Variants in PARD3 observed in about 807,000 individuals in gnomAD.
The protein encoded by PARD3 is partitioning defective 3 homolog.
Under a neutral mutation model 155.4 loss-of-function variants are expected in PARD3, and 75 were observed. The observed-to-expected ratio is 0.48, with a 90% confidence interval of 0.40 to 0.58. The LOEUF (loss-of-function observed/expected upper bound fraction) is 0.58. Ranked by LOEUF, PARD3 falls within the 20% of genes least tolerant of loss-of-function variation. The pLI is 0.00. For synonymous variants in PARD3, 576 were observed against 610.5 expected (o/e 0.94, Z 0.83); for missense variants, 1,642 against 1,721.7 (o/e 0.95, Z 0.82).
chr10:34,639,492 G>A (rs560529856), intron 2 of PARD3, among the ~76,000 whole-genome samples: 1 of 152,342 alleles, frequency 6.6e-6, no homozygotes, highest in South Asian at 2.1e-4. Flanking sequence ...TAGTGTGGTG[G>A]AGGATGAGAA....
intron 22 of PARD3, among the ~76,000 whole-genome samples, chr10:34,154,868 ATTT>A (rs927700958): frequency 2.0e-4 from 31 of 152,292 alleles, no homozygotes; most frequent in African/African-American, 7.2e-4. Context: ...CTATAAACAT[ATTT>A]TTGTAATTTG....
chr10:34,435,113 A>G (rs1261113408), intron 5 of PARD3, among the ~76,000 whole-genome samples: 1 of 152,194 alleles, frequency 6.6e-6, no homozygotes, highest in African/African-American at 2.4e-5. Flanking sequence ...TTGATATCTA[A>G]TATTAATTTA....
At chr10:34,596,477 T>C (rs1180974313) in intron 2 of PARD3, among the ~76,000 whole-genome samples, 3 of 152,140 alleles carry the variant, frequency 2.0e-5, no homozygotes, top group South Asian at 2.1e-4. Flanking sequence ...CTTCACAAGA[T>C]AGCACCAGAG....
At chr10:34,680,848 G>T (rs371402168) in intron 2 of PARD3, among the ~76,000 whole-genome samples, 1 of 114,446 alleles carries the variant, frequency 8.7e-6, no homozygotes, top group Admixed American at 1.0e-4. Context: ...GTGGGGGGAG[G>T]GGGGAGGGAT....
intron 2 of PARD3, among the ~76,000 whole-genome samples, chr10:34,532,261 C>T (rs2082911982): frequency 6.6e-6 from 1 of 151,950 alleles, no homozygotes; most frequent in Non-Finnish European, 1.5e-5. Flanking sequence ...TTCCTTATCT[C>T]GCTACATAGT....
chr10:34,426,188 A>G (rs990767578), intron 5 of PARD3, among the ~76,000 whole-genome samples: 6 of 152,212 alleles, frequency 3.9e-5, no homozygotes, highest in African/African-American at 1.2e-4. Flanking sequence ...GGTAACATGC[A>G]AACAGTTTAG....
At chr10:34,449,904 A>G (rs2076967695) in intron 5 of PARD3, among the ~76,000 whole-genome samples, 1 of 152,230 alleles carries the variant, frequency 6.6e-6, no homozygotes, top group African/African-American at 2.4e-5. Context: ...CATAGGATAT[A>G]TTTCTCTCAT....
At chr10:34,119,386 G>A (rs1164918535) in intron 24 of PARD3, among the ~76,000 whole-genome samples, 2 of 152,206 alleles carry the variant, frequency 1.3e-5, no homozygotes, top group Admixed American at 1.3e-4. Context: ...TAGGGAGCTT[G>A]TGGGTGAAAA....
chr10:34,514,460 T>C (rs1444366118), intron 3 of PARD3, among the ~76,000 whole-genome samples: 1 of 152,170 alleles, frequency 6.6e-6, no homozygotes, highest in African/African-American at 2.4e-5. Context: ...TGAATGAACG[T>C]CATTAATGCG....
At chr10:34,736,396 A>G (rs1462697075) in intron 1 of PARD3, among the ~76,000 whole-genome samples, 1 of 148,922 alleles carries the variant, frequency 6.7e-6, no homozygotes, top group Non-Finnish European at 1.5e-5. Flanking sequence ...TGGCATGATC[A>G]CAGCTCACTG....
chr10:34,439,909 G>C (rs1483777909), intron 5 of PARD3, among the ~76,000 whole-genome samples: 1 of 151,822 alleles, frequency 6.6e-6, no homozygotes, highest in East Asian at 1.9e-4. Flanking sequence ...ACCGCCATTA[G>C]AGCACAGGAA....
intron 3 of PARD3, among the ~76,000 whole-genome samples, chr10:34,481,917 T>C (rs1246967614): frequency 6.6e-6 from 1 of 151,684 alleles, no homozygotes; most frequent in Non-Finnish European, 1.5e-5. Context: ...ACTGCAGCCT[T>C]AACTCCTGGC....
rs554959827 is a variant in PARD3, at chr10:34,579,554, CTGTGTG to C, written c.223-62401_223-62396del. On this transcript the variant is annotated intron_variant, in intron 2 of 24. Coordinates refer to ENST00000374788, the MANE Select transcript of PARD3 (RefSeq NM_001184785.2). Reference sequence around the variant, plus strand: ...AAATAAATAAAAGCTACCATTTTCTCTGTGTGTGTGTGTGTGTGTGTGTGTGTGTGT... The same window carrying C: ...AAATAAATAAAAGCTACCATTTTCTCTGTGTGTGTGTGTGTGTGTGTGTGT... Among the ~76,000 whole-genome samples the C allele has an allele frequency of 1.2e-3, 153 of 122,568 alleles. 1 individual carries two copies. The highest frequency in any genetic ancestry group is 5.5e-3 in the South Asian group (19 of 3,424). The allele number at this position is 122,568 out of a possible 152,430, so 80.4% of individuals were successfully genotyped here.
chr10:34,338,346 A>C (rs191836645), intron 16 of PARD3, among the ~76,000 whole-genome samples: 1 of 152,364 alleles, frequency 6.6e-6, no homozygotes, highest in East Asian at 1.9e-4. Flanking sequence ...ACACATTCTA[A>C]AGTGCTATAA....
chr10:34,772,784 A>T (rs1383270419), intron 1 of PARD3, among the ~76,000 whole-genome samples: 1 of 139,142 alleles, frequency 7.2e-6, no homozygotes, highest in Non-Finnish European at 1.5e-5. Flanking sequence ...ACACAGCAAG[A>T]CTCCATCTAA....
At chr10:34,346,535 C>T (rs1837448407) in intron 15 of PARD3, 1 of 1,261,456 alleles carries the variant, frequency 7.9e-7, no homozygotes, top group Non-Finnish European at 1.0e-6. Context: ...CTCAAGGGGA[C>T]TGAAATTTCA....
chr10:34,339,751 C>T (rs1836600007), intron 16 of PARD3, among the ~76,000 whole-genome samples: 1 of 152,186 alleles, frequency 6.6e-6, no homozygotes, highest in South Asian at 2.1e-4. Context: ...TGAGTTTGTG[C>T]ATTAGTAAGA....
intron 22 of PARD3, among the ~76,000 whole-genome samples, chr10:34,245,429 C>T (rs906947452): frequency 6.6e-6 from 1 of 151,142 alleles, no homozygotes; most frequent in African/African-American, 2.4e-5. Flanking sequence ...ATTCTGCCGT[C>T]GTTCTTTGGA....
At position 34,269,816 on chromosome 10, in the gene PARD3, A is replaced by T. The variant is rs752870864; in HGVS notation, c.3260T>A (p.Phe1087Tyr). The T allele has an allele frequency of 1.2e-5, 20 of 1,613,830 alleles. No homozygotes were observed. The South Asian group carries it at 1.9e-4, about 15-fold the overall frequency. Residue 1087 changes from phenylalanine to tyrosine, a missense_variant, in exon 22 of 25, where the codon TTT (phenylalanine) becomes TAT (tyrosine). Physicochemically the swap from Phe to Tyr is conservative, Grantham distance 22. Around this residue, in one of 3 missense-constraint regions of PARD3, gnomAD observed 1,529 missense variants for 1,587.3 expected, o/e 0.96. Coordinates refer to ENST00000374788, the MANE Select transcript of PARD3 (RefSeq NM_001184785.2). ...ATACATTAACTCATCATCACAGCCA[A>T]ATGTCCGATGAAAATCTTGAATTTC... ...YAEIQDFHRT[F>Y]GCDDELMYGG...
Sources: gnomAD v4.1 joint callset for allele counts (sites outside exome capture counted in the v4.1 genomes callset) on GRCh38, gnomAD v4.1.1 for gene constraint, gnomAD v4.1.1 regional missense constraint, MANE v1.5 for transcripts, NCBI Gene and HGNC (gene_info 2026-07-23, HGNC 2026-07-21) for gene names.